DENND1B: variants seen among roughly 807,000 people sequenced by gnomAD.
DENND1B encodes DENN domain-containing protein 1B.
Under a neutral mutation model 90.1 loss-of-function variants are expected in DENND1B, and 59 were observed. The ratio of observed to expected loss-of-function variants is 0.65; its 90% CI spans 0.53 to 0.81. The LOEUF (loss-of-function observed/expected upper bound fraction) is 0.81, where lower values mean the gene tolerates loss of function less well. Among genes scored for constraint, DENND1B ranks in the 40% least tolerant of loss-of-function variants. The pLI is 0.00. For missense variants in DENND1B, 862 were observed against 912.6 expected (o/e 0.94, Z 0.71); for synonymous variants, 337 against 324.6 (o/e 1.04, Z -0.41).
intron 14 of DENND1B, among the ~76,000 whole-genome samples, chr1:197,594,718 A>G (rs1327739339): frequency 6.6e-6 from 1 of 152,156 alleles, no homozygotes; most frequent in Non-Finnish European, 1.5e-5. Context: ...AAGATATGCT[A>G]AAGAGATAAA....
chr1:197,745,483 C>T (rs975169662), intron 2 of DENND1B, among the ~76,000 whole-genome samples: 4 of 151,836 alleles, frequency 2.6e-5, no homozygotes, highest in Non-Finnish European at 4.4e-5. Flanking sequence ...GTCTGGGGTG[C>T]CCCATCTCTC....
At chr1:197,731,947 A>G (rs1662194118) in intron 2 of DENND1B, among the ~76,000 whole-genome samples, 1 of 152,182 alleles carries the variant, frequency 6.6e-6, no homozygotes, top group Admixed American at 6.5e-5. Flanking sequence ...TATATTCACT[A>G]TATCATTATA....
intron 3 of DENND1B, among the ~76,000 whole-genome samples, chr1:197,706,140 T>G (rs1659511519): frequency 6.6e-6 from 1 of 152,184 alleles, no homozygotes; most frequent in African/African-American, 2.4e-5. Context: ...TGGTGAGAAC[T>G]CCATCTGTGG....
intron 2 of DENND1B, among the ~76,000 whole-genome samples, chr1:197,724,962 G>A (rs576575235): frequency 2.2e-4 from 33 of 152,044 alleles, no homozygotes; most frequent in African/African-American, 7.2e-4. Flanking sequence ...TAAGAAAAAT[G>A]GAGACCAGAA....
intron 3 of DENND1B, among the ~76,000 whole-genome samples, chr1:197,696,948 C>T (rs541532990): frequency 1.3e-5 from 2 of 150,148 alleles, no homozygotes; most frequent in African/African-American, 2.4e-5. Context: ...TAAGAAGCTA[C>T]GGAAGTACAG....
chr1:197,673,056 C>T (rs1247218124), intron 4 of DENND1B, among the ~76,000 whole-genome samples: 1 of 151,958 alleles, frequency 6.6e-6, no homozygotes, highest in Non-Finnish European at 1.5e-5. Context: ...AGTATCAATG[C>T]TACAAACAGT....
intron 16 of DENND1B, among the ~76,000 whole-genome samples, chr1:197,551,495 T>C (rs1411022088): frequency 6.6e-6 from 1 of 152,060 alleles, no homozygotes; most frequent in East Asian, 1.9e-4. Context: ...AATCATATTC[T>C]CCTAATCTTT....
chr1:197,596,160 A>G (rs1675666787), intron 13 of DENND1B, among the ~76,000 whole-genome samples: 1 of 152,194 alleles, frequency 6.6e-6, no homozygotes, highest in South Asian at 2.1e-4. Flanking sequence ...TTACCTAAAA[A>G]TGTGCATAAT....
chr1:197,569,221 T>A (rs189181728), intron 15 of DENND1B, among the ~76,000 whole-genome samples: 2 of 152,142 alleles, frequency 1.3e-5, no homozygotes, highest in Admixed American at 1.3e-4. Context: ...AAAACCACAG[T>A]GAGACATCAT....
At chr1:197,554,135 AC>A (rs1671495624) in intron 15 of DENND1B, among the ~76,000 whole-genome samples, 3 of 151,240 alleles carry the variant, frequency 2.0e-5, no homozygotes, top group Non-Finnish European at 4.4e-5. Context: ...ACACACACAC[AC>A]ACACACACAC....
intron 20 of DENND1B, among the ~76,000 whole-genome samples, chr1:197,521,522 T>C (rs868154248): frequency 6.6e-6 from 1 of 152,082 alleles, no homozygotes. Flanking sequence ...CTACCCTCCA[T>C]TTTACAGTTG....
intron 14 of DENND1B, among the ~76,000 whole-genome samples, chr1:197,584,381 AGATT>A (rs1465211176): frequency 3.3e-5 from 5 of 152,184 alleles, no homozygotes; most frequent in African/African-American, 1.2e-4. Flanking sequence ...AAATTTATGA[AGATT>A]AATTAAAATT....
chr1:197,521,624 C>A (rs1451464604), intron 20 of DENND1B, among the ~76,000 whole-genome samples: 4 of 151,708 alleles, frequency 2.6e-5, no homozygotes, highest in African/African-American at 7.2e-5. Context: ...GAAAAAAATA[C>A]CTGCATGAAA....
chr1:197,714,318 T>C (rs1660411659), intron 3 of DENND1B, among the ~76,000 whole-genome samples: 1 of 152,044 alleles, frequency 6.6e-6, no homozygotes, highest in African/African-American at 2.4e-5. Flanking sequence ...AATCCTTAAA[T>C]CTGTATTATT....
chr1:197,519,855 A>AT (rs764516511), intron 20 of DENND1B, among the ~76,000 whole-genome samples: 38 of 151,826 alleles, frequency 2.5e-4, no homozygotes, highest in Non-Finnish European at 4.6e-4. Context: ...GGTACATGGG[A>AT]TTTTTTAAGG....
intron 11 of DENND1B, among the ~76,000 whole-genome samples, chr1:197,615,939 T>C (rs1407441699): frequency 6.6e-6 from 1 of 150,980 alleles, no homozygotes. Flanking sequence ...GCTTACTTCA[T>C]TGAATTTTAT....
intron 10 of DENND1B, among the ~76,000 whole-genome samples, chr1:197,629,114 T>C (rs1334298269): frequency 6.6e-6 from 1 of 152,138 alleles, no homozygotes; most frequent in Non-Finnish European, 1.5e-5. Context: ...TGGAAGTCAG[T>C]GTGGCGATTC....
intron 3 of DENND1B, among the ~76,000 whole-genome samples, chr1:197,698,433 T>A (rs888336656): frequency 1.3e-5 from 2 of 152,078 alleles, no homozygotes; most frequent in Non-Finnish European, 2.9e-5. Flanking sequence ...GGAAAATTTA[T>A]AGCACTAAAT....
At chr1:197,666,095 A>C (rs1266636569) in intron 5 of DENND1B, among the ~76,000 whole-genome samples, 1 of 152,184 alleles carries the variant, frequency 6.6e-6, no homozygotes, top group African/African-American at 2.4e-5. Context: ...TGGTAAAGAT[A>C]TAAGAAAGTG....
Sources: allele counts gnomAD v4.1 joint callset (sites outside exome capture counted in the v4.1 genomes callset), GRCh38; gene constraint gnomAD v4.1.1; transcripts MANE v1.5; gene names NCBI Gene and HGNC (gene_info 2026-07-23, HGNC 2026-07-21).